LITAF: variants seen among roughly 807,000 people sequenced by gnomAD.
LITAF encodes lipopolysaccharide induced TNF factor.
A neutral mutation model predicts 14.5 loss-of-function variants in LITAF; 9 were observed. The observed-to-expected ratio is 0.62, with a 90% CI of 0.37 to 1.08. The LOEUF (loss-of-function observed/expected upper bound fraction) is 1.08, where lower values mean the gene tolerates loss of function less well. Among genes scored for constraint, LITAF ranks in the 50% least tolerant of loss-of-function variants. LITAF has a pLI of 0.01. For missense variants in LITAF, 206 were observed against 213.4 expected, an observed-to-expected ratio of 0.97 and a Z score of 0.22; for synonymous variants, 98 against 88.2, an observed-to-expected ratio of 1.11 and a Z score of -0.62.
At chr16:11,551,761 G>A (rs1046176693) in intron 3 of LITAF, 26 of 686,942 alleles carry the variant, frequency 3.8e-5, no homozygotes, top group Admixed American at 3.7e-4. Context: ...GAGCCCAGGA[G>A]ATCAAAGCTG....
intron 1 of LITAF, among the ~76,000 whole-genome samples, chr16:11,594,732 C>T (rs767748741): frequency 6.6e-6 from 1 of 151,760 alleles, no homozygotes; most frequent in Non-Finnish European, 1.5e-5. Flanking sequence ...AAAAATTAGC[C>T]GGGCATGGTG....
intron 3 of LITAF, among the ~76,000 whole-genome samples, chr16:11,626,151 C>A (rs2065082448): frequency 6.6e-6 from 1 of 152,042 alleles, no homozygotes; most frequent in South Asian, 2.1e-4. Context: ...TGAGAAAGAT[C>A]CCACTACTTT....
Position 11,597,600 on chromosome 16 carries a change from C to CT in LITAF, c.-6+787dup, listed in dbSNP as rs1333797223. On this transcript the variant is annotated intron_variant, in intron 1 of 3. Transcript: ENST00000571627. ...CAAGCTGTCTGGCTCTACGTCCATGCTCAGCCCCCATGCTGTGGAGAGCTT... is the reference window on the plus strand; with the variant it reads ...CAAGCTGTCTGGCTCTACGTCCATGCTTCAGCCCCCATGCTGTGGAGAGCTT... Among the ~76,000 whole-genome samples the CT allele has an allele frequency of 3.3e-5, 5 of 152,304 alleles. No individual in the cohort carries two copies. In the South Asian group the frequency reaches 8.3e-4, roughly 25 times the overall value.
At chr16:11,588,245 A>G (rs1426475475), upstream of LITAF, among the ~76,000 whole-genome samples, 1 of 152,194 alleles carries the variant, frequency 6.6e-6, no homozygotes, top group Non-Finnish European at 1.5e-5. Flanking sequence ...CTATAGTCTC[A>G]GGACTTTGGG....
chr16:11,556,448 T>C (rs1003711894), intron 2 of LITAF, 63 bp downstream of exon 2: 2 of 1,444,110 alleles, frequency 1.4e-6, no homozygotes, highest in African/African-American at 2.8e-5. Flanking sequence ...CTTCGGTCAC[T>C]CTCCTGATTC....
In LITAF at chr16:11,553,817, T is replaced by C. The variant is rs2064223062; in HGVS notation, c.221-128A>G. The C allele has an allele frequency of 9.1e-7, 1 of 1,097,862 alleles. No individual in the cohort carries two copies. Among genetic ancestry groups the C allele is most frequent in the Non-Finnish European group, 1.3e-6 (1 of 748,604 alleles). The allele number at this position is 1,097,862 out of a possible 1,614,324, so 68.0% of individuals were successfully genotyped here. A position where few individuals can be genotyped will look rare whatever the true frequency, so the allele number is the denominator to read the frequency against. The stretch of plus-strand genomic sequence containing the variant: ...TATTTGTACATTTGTGTTCATAGCA[T>C]GCGTTCATCGTCTGGCTATCTATGA... On this transcript the variant is annotated intron_variant, in intron 2 of 3. Coordinates refer to ENST00000622633, the MANE Select transcript of LITAF (RefSeq NM_001136472.2). The surrounding 1 kb of genome is among the most constrained non-coding windows in gnomAD (Gnocchi z 7.7).
intron 1 of LITAF, among the ~76,000 whole-genome samples, chr16:11,559,570 T>C (rs979485662): frequency 6.6e-6 from 1 of 151,980 alleles, no homozygotes; most frequent in Non-Finnish European, 1.5e-5. Flanking sequence ...CAAAACTTAG[T>C]AGGAAAAAAT....
At position 11,605,469 on chromosome 16, in the gene LITAF, C is replaced by T. The variant is rs1198179595; in HGVS notation, c.85+28064G>A. 6.6e-6 allele frequency among the ~76,000 whole-genome samples: 1 copy of T among 152,138 alleles called. No homozygotes were observed. ...CAGTGTGGGGGACCCCTTCCCAGCC[C>T]CGTGTCTCTCTTTACAGCCCAGAGC... On this transcript the variant is annotated intron_variant, in intron 3 of 3. Coordinates refer to the LITAF transcript ENST00000574848. The surrounding 1 kb of genome is among the most constrained non-coding windows in gnomAD (Gnocchi z 4.7).
intron 1 of LITAF, among the ~76,000 whole-genome samples, chr16:11,571,554 C>G (rs1295773218): frequency 2.0e-5 from 3 of 152,186 alleles, no homozygotes; most frequent in African/African-American, 7.2e-5. Context: ...GCACTCTTCC[C>G]CCTCCCACAG....
chr16:11,639,502 G>C (rs1336927206), upstream of LITAF, among the ~76,000 whole-genome samples: 1 of 151,942 alleles, frequency 6.6e-6, no homozygotes, highest in Non-Finnish European at 1.5e-5. Flanking sequence ...TAGATGGATG[G>C]ACAAATAGGA....
In LITAF at chr16:11,568,673, G is replaced by GTTTTTT. The variant is rs374757371; in HGVS notation, c.-5-11944_-5-11939dup. Among the ~76,000 whole-genome samples the GTTTTTT allele has an allele frequency of 1.1e-4, 13 of 116,338 alleles. 1 individual carries two copies. The highest frequency in any genetic ancestry group is 1.8e-4 in the Non-Finnish European group (10 of 56,944). 76.3% of individuals were successfully genotyped at this position (116,338 alleles called of 152,430 possible). The stretch of plus-strand genomic sequence containing the variant: ...CTTGTGACACTGAAGGTACACCCTT[G>GTTTTTT]TTTTTTTTTGTTTTTTTTTTTTTTG... On this transcript the variant is annotated intron_variant, in intron 1 of 3. Coordinates refer to ENST00000622633, the MANE Select transcript of LITAF (RefSeq NM_001136472.2).
chr16:11,631,802 C>T lies in LITAF; in HGVS notation c.85+1731G>A, dbSNP rs940970906. On this transcript the variant is annotated intron_variant, in intron 3 of 3. Transcript: ENST00000574848. ...CCCTAAATCCAGGATGATCTCATCT[C>T]GAGATTCTTAACTTGATGACATCTG... is the stretch of plus-strand genomic sequence containing the variant. Among the ~76,000 whole-genome samples the T allele has an allele frequency of 4.0e-5, 6 of 151,858 alleles. No individual in the cohort carries two copies. The East Asian group carries it at 5.8e-4, about 15-fold the overall frequency.
chr16:11,582,051 AT>A (rs1930984429), intron 1 of LITAF, among the ~76,000 whole-genome samples: 1 of 152,196 alleles, frequency 6.6e-6, no homozygotes, highest in African/African-American at 2.4e-5. Flanking sequence ...GTTAACAATT[AT>A]TCAGTGTATA....
intron 3 of LITAF, among the ~76,000 whole-genome samples, chr16:11,623,317 G>C (rs1052790309): frequency 2.0e-5 from 3 of 152,000 alleles, no homozygotes; most frequent in East Asian, 1.9e-4. Flanking sequence ...TGGAAAGTCT[G>C]TGGTAAGGAC....
rs765122841 is a variant in LITAF, at chr16:11,547,859, T to C, written c.*1778A>G. ...CAACTCAACATCGGTCATCTTGACA[T>C]TGCAGGATATTCAGCAAGTCTGAAG... On this transcript the variant is annotated 3_prime_UTR_variant, in exon 4 of 4. Coordinates refer to ENST00000622633, the MANE Select transcript of LITAF (RefSeq NM_001136472.2). 24 of 454,020 alleles carry C rather than the reference T, an allele frequency of 5.3e-5. No individual in the cohort carries two copies. Among genetic ancestry groups the C allele is most frequent in the South Asian group, 2.8e-4 (18 of 64,476 alleles). 28.1% of individuals were successfully genotyped at this position (454,020 alleles called of 1,614,324 possible).
In LITAF at chr16:11,553,471, C is replaced by A. The variant is rs533591033; in HGVS notation, c.377+62G>T. ...CAAGCATGGTGCAGTTGAGAACCCA[C>A]CCCCGCCAGCACCCAGAGAGAAGGG... On this transcript the variant is annotated intron_variant, in intron 3 of 3. Transcript: ENST00000622633. This position sits in a 1 kb window ranked among gnomAD's most constrained non-coding sequence, Gnocchi z 7.7. 8 of 1,578,528 alleles carry A rather than the reference C, an allele frequency of 5.1e-6. No homozygotes were observed. The Admixed American group carries it at 8.4e-5, about 17-fold the overall frequency.
intron 3 of LITAF, among the ~76,000 whole-genome samples, chr16:11,627,196 C>T (rs533371736): frequency 6.6e-6 from 1 of 152,212 alleles, no homozygotes. Flanking sequence ...GGGCATGTGA[C>T]CCAAGCCAAG....
chr16:11,580,611 C>T (rs2064717347), intron 1 of LITAF, among the ~76,000 whole-genome samples: 2 of 152,210 alleles, frequency 1.3e-5, no homozygotes, highest in South Asian at 4.1e-4. Context: ...CACAAGCCAT[C>T]ACCTGCTCTT....
chr16:11,602,435 A>G (rs1247150565), upstream of LITAF, among the ~76,000 whole-genome samples: 3 of 152,288 alleles, frequency 2.0e-5, no homozygotes, highest in East Asian at 3.9e-4. Flanking sequence ...TGGAAATGTT[A>G]TGGAAAGCAG....
Sources: allele counts gnomAD v4.1 joint callset (sites outside exome capture counted in the v4.1 genomes callset), GRCh38; gene constraint gnomAD v4.1.1; non-coding constraint Gnocchi (gnomAD v3.1); transcripts MANE v1.5; gene names NCBI Gene and HGNC (gene_info 2026-07-23, HGNC 2026-07-21).